The following AK8 variants were observed in gnomAD, a reference collection of about 807,000 sequenced individuals.
AK8 encodes the protein adenylate kinase 8.
In AK8, 44 loss-of-function variants were observed where a neutral mutation model predicts 54.6. The ratio of observed to expected loss-of-function variants is 0.81; its 90% CI spans 0.63 to 1.04. AK8 has a LOEUF of 1.04. Among genes scored for constraint, AK8 ranks in the 50% least tolerant of loss-of-function variants. The probability of loss-of-function intolerance (pLI) is 0.00; values close to 1 mark genes in which losing one functional copy is unlikely to be tolerated. For missense variants in AK8, 555 were observed against 613.6 expected, an observed-to-expected ratio of 0.90 and a Z score of 1.01; for synonymous variants, 239 against 245.6, an observed-to-expected ratio of 0.97 and a Z score of 0.25.
rs181904804 is a variant in AK8 at position 132,765,153 on chromosome 9, C to T, written c.1121+27481G>A. On this transcript the variant is annotated intron_variant, in intron 11 of 12. Coordinates refer to ENST00000298545, the MANE Select transcript of AK8 (RefSeq NM_152572.3). The stretch of plus-strand genomic sequence containing the variant: ...ACTAAAATGCAAAAAATTAGCTGGG[C>T]GTGGTGGCACGCACTTGTAGTCCCA... Among the ~76,000 whole-genome samples the T allele has an allele frequency of 4.7e-3, 708 of 151,990 alleles. 8 individuals carry two copies. The highest frequency in any genetic ancestry group is 0.016 in the African/African-American group (655 of 41,472).
At chr9:132,768,611 A>G (rs191777672) in intron 11 of AK8, among the ~76,000 whole-genome samples, 19 of 152,336 alleles carry the variant, frequency 1.2e-4, no homozygotes, top group African/African-American at 4.6e-4. Context: ...TTCCATTTCT[A>G]TGAATTTTCC....
chr9:132,745,605 G>A (rs955687968), intron 11 of AK8, among the ~76,000 whole-genome samples: 27 of 152,060 alleles, frequency 1.8e-4, no homozygotes, highest in African/African-American at 5.8e-4. Context: ...CACTAATTCC[G>A]GATGCTGACT....
chr9:132,763,596 C>T (rs919962410), intron 11 of AK8, among the ~76,000 whole-genome samples: 1 of 152,200 alleles, frequency 6.6e-6, no homozygotes, highest in Non-Finnish European at 1.5e-5. Context: ...CTGTTCAAAC[C>T]GTATTCAAAT....
At chr9:132,847,161 C>T (rs756468738) in intron 5 of AK8, among the ~76,000 whole-genome samples, 6 of 152,190 alleles carry the variant, frequency 3.9e-5, no homozygotes, top group African/African-American at 7.2e-5. Flanking sequence ...GGGGGAAGAG[C>T]GGCCCAGACA....
Position 132,860,447 on chromosome 9 carries a change from C to T in AK8, c.333+3218G>A, listed in dbSNP as rs1278772501. Among the ~76,000 whole-genome samples, 3 of 152,210 alleles carry T rather than the reference C, an allele frequency of 2.0e-5. No homozygotes were observed. Among genetic ancestry groups the T allele is most frequent in the Admixed American group, 2.0e-4 (3 of 15,286 alleles). On this transcript the variant is annotated intron_variant, in intron 4 of 12. Transcript: ENST00000298545. This position sits in a 1 kb window ranked among gnomAD's most constrained non-coding sequence, Gnocchi z 4.4. Reference sequence around the variant, plus strand: ...GCTGGGCAAGGGAGTCAGCCAGCATCGTTCACATCTGGCGGACTCGAACGC... The same window carrying T: ...GCTGGGCAAGGGAGTCAGCCAGCATTGTTCACATCTGGCGGACTCGAACGC...
Position 132,826,214 on chromosome 9 carries a change from G to A in AK8, c.757+640C>T, listed in dbSNP as rs756582657. On this transcript the variant is annotated intron_variant, in intron 8 of 12. Coordinates refer to ENST00000298545, the MANE Select transcript of AK8 (RefSeq NM_152572.3). This position sits in a 1 kb window ranked among gnomAD's most constrained non-coding sequence, Gnocchi z 4.5. ...TTAGCGATGCCAAAACTAGGGCTCC[G>A]AGGAGTTAGGAGAAGTGCCAGAGGC... 1.3e-3 allele frequency among the ~76,000 whole-genome samples: 205 copies of A among 152,154 alleles called. 1 individual carries two copies. The highest frequency in any genetic ancestry group is 1.1e-3 in the African/African-American group (45 of 41,438).
At position 132,725,798 on chromosome 9, in the gene AK8, C is replaced by G; in HGVS notation, c.1330G>C (p.Glu444Gln). The change falls in exon 13 of 13, where the codon GAG becomes CAG. Residue 444 changes from glutamate (E) to glutamine (Q), a missense_variant. Physicochemically the swap from Glu to Gln is conservative, Grantham distance 29. Coordinates refer to ENST00000298545, the MANE Select transcript of AK8 (RefSeq NM_152572.3). ...DLFYRNSADL[E>Q]QLYGSAITLN... is the part of the protein sequence containing the mutation. The stretch of plus-strand genomic sequence containing the variant: ...GTGATGGCCGACCCATACAACTGCT[C>G]CAAGTCAGCTGAGTTCCTGTAGAAC... 1 of 1,605,348 alleles carries G rather than the reference C, an allele frequency of 6.2e-7. No individual in the cohort carries two copies. Among genetic ancestry groups the G allele is most frequent in the Non-Finnish European group, 8.5e-7 (1 of 1,176,156 alleles).
upstream of AK8, chr9:132,878,817 A>C: frequency 4.1e-6 from 4 of 976,724 alleles, no homozygotes; most frequent in Non-Finnish European, 4.9e-6. This position sits in a 1 kb window ranked among gnomAD's most constrained non-coding sequence, Gnocchi z 4.7. Flanking sequence ...CCAAGCCGCC[A>C]AGTGACCCGA....
At chr9:132,853,783 C>CGAAA (rs1491143036) in intron 5 of AK8, among the ~76,000 whole-genome samples, 1 of 42,590 alleles carries the variant, frequency 2.3e-5, no homozygotes, top group Non-Finnish European at 4.2e-5. Flanking sequence ...GACTCTGCCT[C>CGAAA]AAAAAAAAAA....
chr9:132,856,964 C>T (rs188073363), intron 4 of AK8, among the ~76,000 whole-genome samples: 4 of 152,066 alleles, frequency 2.6e-5, no homozygotes, highest in East Asian at 1.9e-4. Flanking sequence ...CATGTTTCTA[C>T]GAGGTAGACA....
chr9:132,869,451 G>A (rs564716180), intron 2 of AK8, among the ~76,000 whole-genome samples: 2 of 152,286 alleles, frequency 1.3e-5, no homozygotes, highest in African/African-American at 4.8e-5. Flanking sequence ...CAGGCCCTGC[G>A]GAGCTGCCAG....
chr9:132,789,283 G>A (rs149658912), intron 11 of AK8, among the ~76,000 whole-genome samples: 1 of 147,746 alleles, frequency 6.8e-6, no homozygotes, highest in African/African-American at 2.5e-5. Flanking sequence ...GACAGAGCGA[G>A]ACTCTGTCTC....
chr9:132,730,584 G>GT (rs1243632360), intron 11 of AK8, among the ~76,000 whole-genome samples: 3 of 152,072 alleles, frequency 2.0e-5, no homozygotes, highest in African/African-American at 7.2e-5. Flanking sequence ...GCCTTTGATG[G>GT]TGGATGCCTA....
At chr9:132,812,934 G>T (rs78658638) in intron 10 of AK8, among the ~76,000 whole-genome samples, 2 of 75,588 alleles carry the variant, frequency 2.6e-5, no homozygotes, top group Admixed American at 1.2e-4. Flanking sequence ...GACCAGACCT[G>T]CTCACTGCCC....
chr9:132,831,192 CT>C (rs200977922), intron 5 of AK8, among the ~76,000 whole-genome samples: 50 of 148,300 alleles, frequency 3.4e-4, no homozygotes, highest in African/African-American at 6.7e-4. Flanking sequence ...GCTCTCCCTT[CT>C]TTTTTTTTTC....
chr9:132,827,724 C>A, intron 7 of AK8: 1 of 437,346 alleles, frequency 2.3e-6, no homozygotes, highest in Non-Finnish European at 4.1e-6. Context: ...TGTCCCCTGG[C>A]TCCTGTGTGG....
chr9:132,763,074 G>C (rs1384506091), intron 11 of AK8, among the ~76,000 whole-genome samples: 1 of 152,158 alleles, frequency 6.6e-6, no homozygotes, highest in Non-Finnish European at 1.5e-5. Flanking sequence ...CCCATGCAGA[G>C]AGCTGTCTAG....
At chr9:132,878,747 T>G, upstream of AK8, 1 of 985,890 alleles carries the variant, frequency 1.0e-6, no homozygotes, top group Non-Finnish European at 1.2e-6. The surrounding 1 kb of genome is among the most constrained non-coding windows in gnomAD (Gnocchi z 4.7). Context: ...CGGGTGGAAA[T>G]CCTCAGCCCA....
chr9:132,726,971 T>C (rs1836606349), intron 12 of AK8, among the ~76,000 whole-genome samples: 1 of 149,232 alleles, frequency 6.7e-6, no homozygotes, highest in South Asian at 2.1e-4. Flanking sequence ...TTGTGGGGTT[T>C]CCATTGCATT....
Sources: allele counts gnomAD v4.1 joint callset (sites outside exome capture counted in the v4.1 genomes callset), GRCh38; gene constraint gnomAD v4.1.1; non-coding constraint Gnocchi (gnomAD v3.1); transcripts MANE v1.5; gene names NCBI Gene and HGNC (gene_info 2026-07-23, HGNC 2026-07-21).